The following SCHIP1 variants were observed in gnomAD, a reference collection of about 807,000 sequenced individuals.
The protein encoded by SCHIP1 is schwannomin-interacting protein 1.
In SCHIP1, 8 loss-of-function variants were observed where a neutral mutation model predicts 29.7. The observed-to-expected ratio is 0.27, with a 90% CI of 0.16 to 0.49. SCHIP1 has a LOEUF of 0.49. SCHIP1 is among the 20% of genes least tolerant of loss of function. SCHIP1 has a pLI of 0.99. For missense variants in SCHIP1, 193 were observed against 294.6 expected (o/e 0.66, Z 2.52); for synonymous variants, 76 against 94.9 (o/e 0.80, Z 1.16).
chr3:159,593,381 T>C, the SCHIP1 span, among the ~76,000 whole-genome samples: 1 of 152,066 alleles, frequency 6.6e-6, no homozygotes, highest in Non-Finnish European at 1.5e-5. Context: ...GGAGGACTCA[T>C]CTGGTTTAGG....
At chr3:159,413,202 G>A in the SCHIP1 span, among the ~76,000 whole-genome samples, 30 of 152,288 alleles carry the variant, frequency 2.0e-4, no homozygotes, top group African/African-American at 7.0e-4. Context: ...CTTGATACAT[G>A]TGGATTATTA....
the SCHIP1 span, among the ~76,000 whole-genome samples, chr3:159,462,483 T>C: frequency 6.6e-6 from 1 of 152,140 alleles, no homozygotes; most frequent in African/African-American, 2.4e-5. Flanking sequence ...CCATCACTCT[T>C]GTCAAGTCTC....
At chr3:159,395,493 G>T in the SCHIP1 span, among the ~76,000 whole-genome samples, 1 of 150,708 alleles carries the variant, frequency 6.6e-6, no homozygotes, top group African/African-American at 2.4e-5. Flanking sequence ...TGCTTTGAAT[G>T]TGTCCCAGAG....
At chr3:159,739,878 A>C in the SCHIP1 span, among the ~76,000 whole-genome samples, 1 of 152,222 alleles carries the variant, frequency 6.6e-6, no homozygotes, top group Non-Finnish European at 1.5e-5. Context: ...CCAAGTCTAC[A>C]TTTATTCTGT....
At chr3:159,613,143 C>A in the SCHIP1 span, among the ~76,000 whole-genome samples, 2,343 of 152,136 alleles carry the variant, frequency 0.015, 54 homozygotes, top group African/African-American at 0.053. Context: ...TGATAAATAA[C>A]AAAAAAATTG....
chr3:159,692,242 CTGTATTTCCTGAA>C, the SCHIP1 span, among the ~76,000 whole-genome samples: 1 of 152,036 alleles, frequency 6.6e-6, no homozygotes, highest in Non-Finnish European at 1.5e-5. Context: ...GTGGTGTTCT[CTGTATTTCCTGAA>C]TTTGAATGTT....
chr3:159,855,118 C>G (rs573244602), intron 1 of SCHIP1, among the ~76,000 whole-genome samples: 1 of 152,320 alleles, frequency 6.6e-6, no homozygotes, highest in African/African-American at 2.4e-5. Flanking sequence ...GTGGAGTGCT[C>G]AGAGATCAGT....
At chr3:159,653,924 A>G in the SCHIP1 span, among the ~76,000 whole-genome samples, 1 of 152,098 alleles carries the variant, frequency 6.6e-6, no homozygotes, top group Non-Finnish European at 1.5e-5. Flanking sequence ...AAATTATATG[A>G]CTGTATTAAA....
chr3:159,666,491 G>A, the SCHIP1 span, among the ~76,000 whole-genome samples: 1 of 152,020 alleles, frequency 6.6e-6, no homozygotes, highest in Non-Finnish European at 1.5e-5. Context: ...TTCCTTCCTT[G>A]TTACAAATCT....
At chr3:159,620,683 T>C in the SCHIP1 span, among the ~76,000 whole-genome samples, 3 of 152,220 alleles carry the variant, frequency 2.0e-5, no homozygotes, top group African/African-American at 7.2e-5. Flanking sequence ...TCCCACTCAG[T>C]TCTGTCCTCA....
the SCHIP1 span, among the ~76,000 whole-genome samples, chr3:159,570,974 T>A: frequency 3.6e-4 from 55 of 152,320 alleles, 1 homozygote; most frequent in South Asian, 0.011. Context: ...ATGCTAGTGA[T>A]TTTTGCACAT....
the SCHIP1 span, among the ~76,000 whole-genome samples, chr3:159,601,467 G>C: frequency 6.6e-6 from 1 of 152,218 alleles, no homozygotes; most frequent in Non-Finnish European, 1.5e-5. Context: ...CACCACCTCA[G>C]ACAGGTAGCC....
At chr3:159,356,975 A>G in the SCHIP1 span, among the ~76,000 whole-genome samples, 51 of 152,364 alleles carry the variant, frequency 3.3e-4, no homozygotes, top group Admixed American at 2.6e-3. Flanking sequence ...TTGAATATCC[A>G]AAGGAAAATA....
the SCHIP1 span, among the ~76,000 whole-genome samples, chr3:159,456,361 G>A: frequency 6.6e-6 from 1 of 152,060 alleles, no homozygotes; most frequent in Non-Finnish European, 1.5e-5. Flanking sequence ...CAGATATATC[G>A]ATCTTTTCAT....
chr3:159,513,767 G>C, the SCHIP1 span, among the ~76,000 whole-genome samples: 1 of 152,214 alleles, frequency 6.6e-6, no homozygotes, highest in Non-Finnish European at 1.5e-5. Context: ...TCAGTGGGAT[G>C]AGATTGCATG....
At chr3:159,750,469 C>A in the SCHIP1 span, among the ~76,000 whole-genome samples, 11,340 of 151,796 alleles carry the variant, frequency 0.075, 493 homozygotes, top group Middle Eastern at 0.12. Context: ...CAAGCAGATC[C>A]TGAGATGGGG....
At chr3:159,514,673 T>C in the SCHIP1 span, among the ~76,000 whole-genome samples, 1 of 152,244 alleles carries the variant, frequency 6.6e-6, no homozygotes, top group Non-Finnish European at 1.5e-5. Context: ...CTATTTTTAT[T>C]GAAAACTAAA....
At chr3:159,420,318 C>T in the SCHIP1 span, among the ~76,000 whole-genome samples, 11 of 152,122 alleles carry the variant, frequency 7.2e-5, no homozygotes, top group Admixed American at 2.0e-4. Context: ...AGGGGAAAAG[C>T]GCGATCTTTC....
chr3:159,549,272 A>T, the SCHIP1 span, among the ~76,000 whole-genome samples: 2 of 152,050 alleles, frequency 1.3e-5, no homozygotes, highest in African/African-American at 2.4e-5. Context: ...GGTTGTCCTT[A>T]ACTCCGTTCT....
Sources: allele counts gnomAD v4.1 joint callset (sites outside exome capture counted in the v4.1 genomes callset), GRCh38; gene constraint gnomAD v4.1.1; transcripts MANE v1.5; gene names NCBI Gene and HGNC (gene_info 2026-07-23, HGNC 2026-07-21).